DZIP1: variants seen among roughly 807,000 people sequenced by gnomAD.
DZIP1 encodes DAZ interacting zinc finger protein 1, also known as cilium assembly protein DZIP1.
In DZIP1, 97 loss-of-function variants were observed where a neutral mutation model predicts 107.6. That is an observed-to-expected ratio of 0.90 (90% CI 0.77 to 1.07). DZIP1 has a LOEUF of 1.07. DZIP1 is among the 50% of genes least tolerant of loss of function. The pLI is 0.00. For synonymous variants in DZIP1, 390 were observed against 386.4 expected, an observed-to-expected ratio of 1.01 and a Z score of -0.11; for missense variants, 1,035 against 1,063.6, an observed-to-expected ratio of 0.97 and a Z score of 0.37.
intron 8 of DZIP1, 55 bp from the exon 9 acceptor site, chr13:95,622,535 C>T (rs1566411132): frequency 1.5e-5 from 24 of 1,603,116 alleles, no homozygotes; most frequent in Non-Finnish European, 2.0e-5. Context: ...AAGATGGAAA[C>T]AGAGAATAAA....
At chr13:95,626,554 C>A (rs1876563492) in intron 7 of DZIP1, among the ~76,000 whole-genome samples, 1 of 152,090 alleles carries the variant, frequency 6.6e-6, no homozygotes, top group South Asian at 2.1e-4. Context: ...TAATCAACAA[C>A]CTCCTAAAAA....
At chr13:95,587,072 T>C (rs2044178644) in intron 20 of DZIP1, among the ~76,000 whole-genome samples, 1 of 152,174 alleles carries the variant, frequency 6.6e-6, no homozygotes, top group African/African-American at 2.4e-5. Flanking sequence ...GTGAGGTCAT[T>C]AGGGTGGGCC....
chr13:95,619,787 A>C, intron 10 of DZIP1, 98 bp downstream of exon 10: 1 of 1,236,124 alleles, frequency 8.1e-7, no homozygotes, highest in East Asian at 2.3e-5. Flanking sequence ...TTTCTCCCCA[A>C]ATGTTATTAA....
At chr13:95,599,214 C>T in intron 15 of DZIP1, 151 bp downstream of exon 15, 1 of 650,762 alleles carries the variant, frequency 1.5e-6, no homozygotes, top group South Asian at 2.0e-5. Flanking sequence ...TAACAGGATA[C>T]TCTATGTGGG....
At chr13:95,625,718 T>C (rs1051987331) in intron 7 of DZIP1, among the ~76,000 whole-genome samples, 1 of 152,050 alleles carries the variant, frequency 6.6e-6, no homozygotes, top group African/African-American at 2.4e-5. Context: ...ACTAGGGAAA[T>C]TGGAAGATAC....
rs2043971548 is a variant in DZIP1 at position 95,578,600 on chromosome 13, G to A, written c.*3634C>T. Reference sequence around the variant, plus strand: ...ACTTAACTTCTACAGGATCAGAGAGGATCTTGCTCATTCATGGCCATATCC... The same window carrying A: ...ACTTAACTTCTACAGGATCAGAGAGAATCTTGCTCATTCATGGCCATATCC... On this transcript the variant is annotated 3_prime_UTR_variant, in exon 23 of 23. Transcript: ENST00000376829. 6.6e-6 allele frequency: 1 copy of A among 152,208 alleles called. No individual in the cohort carries two copies. Among genetic ancestry groups the A allele is most frequent in the Admixed American group, 6.5e-5 (1 of 15,280 alleles). The allele number at this position is 152,208 out of a possible 1,614,324, so 9.4% of individuals were successfully genotyped here.
intron 10 of DZIP1, among the ~76,000 whole-genome samples, chr13:95,615,701 G>A (rs1483309129): frequency 6.6e-6 from 1 of 152,164 alleles, no homozygotes; most frequent in African/African-American, 2.4e-5. Context: ...TTCCTTCCCG[G>A]CTGGGAGCTT....
At chr13:95,621,665 A>ATGTGT (rs1875866782) in intron 9 of DZIP1, among the ~76,000 whole-genome samples, 1 of 123,326 alleles carries the variant, frequency 8.1e-6, no homozygotes, top group Non-Finnish European at 1.7e-5. Flanking sequence ...ACCAGTTAGC[A>ATGTGT]GTGTGTGTGT....
intron 10 of DZIP1, 140 bp downstream of exon 10, chr13:95,619,745 A>G: frequency 1.4e-6 from 1 of 740,158 alleles, no homozygotes; most frequent in Non-Finnish European, 2.1e-6. Flanking sequence ...TTTTGGTGTT[A>G]GAATTATAGG....
chr13:95,626,705 A>G (rs1014069521), intron 7 of DZIP1, among the ~76,000 whole-genome samples: 1 of 152,262 alleles, frequency 6.6e-6, no homozygotes. Context: ...TGCAAAAAGC[A>G]GCTATATTTC....
chr13:95,607,454 G>A, intron 13 of DZIP1, among the ~76,000 whole-genome samples: 1 of 152,146 alleles, frequency 6.6e-6, no homozygotes. Context: ...TACTGCCTTT[G>A]TACCCATTTG....
chr13:95,627,959 G>A (rs752366180), intron 7 of DZIP1, among the ~76,000 whole-genome samples: 8 of 152,046 alleles, frequency 5.3e-5, no homozygotes, highest in South Asian at 2.1e-4. Context: ...TAGCAAGACC[G>A]ACAAAGTACT....
intron 10 of DZIP1, among the ~76,000 whole-genome samples, chr13:95,617,097 G>A (rs1875193111): frequency 6.6e-6 from 1 of 152,038 alleles, no homozygotes; most frequent in South Asian, 2.1e-4. Context: ...AGCTACTCGG[G>A]AGGCTAAGGC....
At chr13:95,604,418 C>T (rs527833854) in intron 14 of DZIP1, among the ~76,000 whole-genome samples, 2 of 152,212 alleles carry the variant, frequency 1.3e-5, no homozygotes, top group Non-Finnish European at 2.9e-5. Flanking sequence ...CTCCTGCCCA[C>T]TGAGATGCTC....
intron 5 of DZIP1, among the ~76,000 whole-genome samples, chr13:95,636,511 C>T (rs1382928507): frequency 2.3e-5 from 3 of 131,820 alleles, no homozygotes; most frequent in Non-Finnish European, 4.7e-5. Context: ...CCACTGCACT[C>T]GGGGCCAGGG....
rs1486154495 is a variant in DZIP1 at position 95,629,969 on chromosome 13, C to A, written c.810+20G>T. ...ATACAGTTAATTGTAATTAAAATAC[C>A]ACAGAATTCTGCCTGGTACCTTGGA... On this transcript the variant is annotated intron_variant, in intron 7 of 22. Transcript: ENST00000376829. 3.2e-6 allele frequency: 5 copies of A among 1,577,672 alleles called. No individual in the cohort carries two copies. Among genetic ancestry groups the A allele is most frequent in the Non-Finnish European group, 4.3e-6 (5 of 1,164,664 alleles).
At chr13:95,625,557 G>T (rs1160643897) in intron 7 of DZIP1, among the ~76,000 whole-genome samples, 1 of 152,048 alleles carries the variant, frequency 6.6e-6, no homozygotes, top group Non-Finnish European at 1.5e-5. Flanking sequence ...GTGTTTCTCA[G>T]ATTTAAAAAG....
intron 10 of DZIP1, among the ~76,000 whole-genome samples, chr13:95,615,020 T>C (rs1293010889): frequency 6.6e-6 from 1 of 151,920 alleles, no homozygotes; most frequent in Non-Finnish European, 1.5e-5. Context: ...TCTGTTAGGG[T>C]TTAAGAGCAA....
chr13:95,588,770 A>G (rs1039140754), intron 19 of DZIP1, among the ~76,000 whole-genome samples: 1 of 152,246 alleles, frequency 6.6e-6, no homozygotes, highest in Non-Finnish European at 1.5e-5. Flanking sequence ...ATTAACTTCC[A>G]CAAAAAACTG....
Sources: gnomAD v4.1 joint callset for allele counts (sites outside exome capture counted in the v4.1 genomes callset) on GRCh38, gnomAD v4.1.1 for gene constraint, MANE v1.5 for transcripts, NCBI Gene and HGNC (gene_info 2026-07-23, HGNC 2026-07-21) for gene names.